FRAS1: variants seen among roughly 807,000 people sequenced by gnomAD.
FRAS1 encodes the protein extracellular matrix organizing protein FRAS1.
FRAS1 carries 290 observed loss-of-function variants against 435.2 expected under a neutral mutation model. That is an observed-to-expected ratio of 0.67 (90% CI 0.61 to 0.73). The LOEUF (loss-of-function observed/expected upper bound fraction) is 0.73. Among genes scored for constraint, FRAS1 ranks in the 30% least tolerant of loss-of-function variants. The pLI, the probability that FRAS1 is intolerant of heterozygous loss-of-function variation, is 0.00. For missense variants in FRAS1, 4,860 were observed against 5,001.5 expected, an observed-to-expected ratio of 0.97 and a Z score of 0.85; for synonymous variants, 1,800 against 1,851.0, an observed-to-expected ratio of 0.97 and a Z score of 0.71.
chr4:78,082,072 C>G lies in FRAS1; in HGVS notation c.108+16056C>G, dbSNP rs185500531. Among the ~76,000 whole-genome samples the G allele has an allele frequency of 4.5e-4, 68 of 152,208 alleles. 1 individual carries two copies. The highest frequency in any genetic ancestry group is 4.0e-3 in the Admixed American group (61 of 15,266). Reference sequence around the variant, plus strand: ...ATCTAACATTTTTTATCAAAAGATGCATGAGTTGCAATGTCTGTAAGTTTT... The same window carrying G: ...ATCTAACATTTTTTATCAAAAGATGGATGAGTTGCAATGTCTGTAAGTTTT... On this transcript the variant is annotated intron_variant, in intron 2 of 73. Transcript: ENST00000512123.
chr4:78,477,479 T>C (rs1410600017), intron 54 of FRAS1, among the ~76,000 whole-genome samples: 2 of 152,196 alleles, frequency 1.3e-5, no homozygotes, highest in Non-Finnish European at 2.9e-5. Context: ...GAAAGGGAAC[T>C]GAGTCATCAA....
chr4:78,124,006 A>G (rs1719185213), intron 2 of FRAS1, among the ~76,000 whole-genome samples: 1 of 152,140 alleles, frequency 6.6e-6, no homozygotes, highest in Non-Finnish European at 1.5e-5. Context: ...AGAACTTCCA[A>G]TACTATGTTG....
intron 58 of FRAS1, among the ~76,000 whole-genome samples, chr4:78,485,469 T>C (rs989350654): frequency 2.7e-4 from 41 of 152,364 alleles, no homozygotes; most frequent in Middle Eastern, 3.4e-3. Context: ...CTTTTCTTTT[T>C]CTTTCAGAGA....
chr4:78,089,393 A>C (rs1282246324), intron 2 of FRAS1, among the ~76,000 whole-genome samples: 4 of 152,164 alleles, frequency 2.6e-5, no homozygotes, highest in Non-Finnish European at 2.9e-5. Flanking sequence ...ACAAACCTGC[A>C]CATTGTGCAC....
chr4:78,459,955 A>C (rs1359613056), intron 47 of FRAS1, among the ~76,000 whole-genome samples: 4 of 152,194 alleles, frequency 2.6e-5, no homozygotes, highest in African/African-American at 9.7e-5. Context: ...CAATTACACT[A>C]TTTCCAGATA....
chr4:78,180,106 T>C (rs980097277), intron 2 of FRAS1, among the ~76,000 whole-genome samples: 1 of 152,186 alleles, frequency 6.6e-6, no homozygotes, highest in African/African-American at 2.4e-5. Context: ...ATTCATTCAT[T>C]CAACAACAAA....
intron 15 of FRAS1, among the ~76,000 whole-genome samples, chr4:78,315,042 T>A (rs1172912030): frequency 6.6e-6 from 1 of 152,184 alleles, no homozygotes; most frequent in Non-Finnish European, 1.5e-5. Context: ...ACACAGACCT[T>A]AGCATATGTT....
chr4:78,274,526 G>A (rs58078039), intron 9 of FRAS1, among the ~76,000 whole-genome samples: 44,225 of 152,004 alleles, frequency 0.29, 7,045 homozygotes, highest in East Asian at 0.38. Context: ...CTTTGTTCTC[G>A]TTGGTTTCGA....
intron 14 of FRAS1, among the ~76,000 whole-genome samples, chr4:78,299,266 G>A (rs1193857751): frequency 2.0e-5 from 3 of 152,102 alleles, no homozygotes; most frequent in African/African-American, 7.2e-5. Flanking sequence ...TAAGTCTGTC[G>A]ATTGAGGCCA....
At chr4:78,190,590 C>T (rs1468749383) in intron 2 of FRAS1, among the ~76,000 whole-genome samples, 1 of 151,680 alleles carries the variant, frequency 6.6e-6, no homozygotes, top group Non-Finnish European at 1.5e-5. Flanking sequence ...TTCCCTCCTT[C>T]CATCCCCCAT....
chr4:78,166,834 T>C (rs1198075164), intron 2 of FRAS1, among the ~76,000 whole-genome samples: 1 of 152,116 alleles, frequency 6.6e-6, no homozygotes, highest in Non-Finnish European at 1.5e-5. Context: ...CTTGTTCCAG[T>C]AAACCCCTAG....
At chr4:78,267,481 G>T in intron 9 of FRAS1, 49 bp downstream of exon 9, 1 of 1,534,832 alleles carries the variant, frequency 6.5e-7, no homozygotes, top group South Asian at 1.2e-5. Context: ...TCTTTCCAAC[G>T]GGATAGTGAG....
At chr4:78,264,767 T>C in intron 6 of FRAS1, 1 of 506,262 alleles carries the variant, frequency 2.0e-6, no homozygotes, top group South Asian at 1.9e-5. Flanking sequence ...AGAACCATTA[T>C]TATTGTTATT....
At chr4:78,482,798 G>T (rs11098196) in intron 58 of FRAS1, among the ~76,000 whole-genome samples, 68,580 of 151,870 alleles carry the variant, frequency 0.45, 16,645 homozygotes, top group Admixed American at 0.54. Context: ...GTCTCCCTGT[G>T]GAATCAGACC....
chr4:78,117,475 G>C (rs1394183156), intron 2 of FRAS1, among the ~76,000 whole-genome samples: 2 of 152,176 alleles, frequency 1.3e-5, no homozygotes, highest in Non-Finnish European at 2.9e-5. Flanking sequence ...ACACCAATCA[G>C]ACGTAGATTT....
chr4:78,538,872 A>G (rs1402349557), intron 72 of FRAS1, among the ~76,000 whole-genome samples: 4 of 151,440 alleles, frequency 2.6e-5, no homozygotes, highest in Admixed American at 6.6e-5. Context: ...GGAGAATGGC[A>G]TGAACCCAGG....
intron 15 of FRAS1, among the ~76,000 whole-genome samples, chr4:78,314,860 C>A (rs748727774): frequency 4.6e-5 from 7 of 151,400 alleles, no homozygotes; most frequent in African/African-American, 1.7e-4. Flanking sequence ...CTCTTACCCC[C>A]ACCCTCACAT....
intron 2 of FRAS1, chr4:78,181,902 G>C: frequency 6.2e-7 from 1 of 1,611,154 alleles, no homozygotes; most frequent in Non-Finnish European, 8.5e-7. Flanking sequence ...TTGGCCCCAG[G>C]GCCCCCAACG....
At chr4:78,115,407 C>T (rs949748506) in intron 2 of FRAS1, among the ~76,000 whole-genome samples, 3 of 152,110 alleles carry the variant, frequency 2.0e-5, no homozygotes, top group Admixed American at 6.6e-5. Flanking sequence ...AGGAATGGTA[C>T]CAGCTCCTCC....
Sources: gnomAD v4.1 joint callset for allele counts (sites outside exome capture counted in the v4.1 genomes callset) on GRCh38, gnomAD v4.1.1 for gene constraint, MANE v1.5 for transcripts, NCBI Gene and HGNC (gene_info 2026-07-23, HGNC 2026-07-21) for gene names.